Variants in NR3C2 observed in about 807,000 individuals in gnomAD.
NR3C2 encodes mineralocorticoid receptor.
In NR3C2, 15 loss-of-function variants were observed where a neutral mutation model predicts 86.4. The ratio of observed to expected loss-of-function variants is 0.17; its 90% CI spans 0.12 to 0.27. NR3C2 has a LOEUF of 0.27. NR3C2 is among the 10% of genes least tolerant of loss of function. NR3C2 has a pLI of 1.00. For missense variants in NR3C2, 960 were observed against 1,195.6 expected, an observed-to-expected ratio of 0.80 and a Z score of 2.91; for synonymous variants, 458 against 450.5, an observed-to-expected ratio of 1.02 and a Z score of -0.21.
chr4:148,390,375 T>C (rs1561079967), intron 2 of NR3C2, among the ~76,000 whole-genome samples: 1 of 152,126 alleles, frequency 6.6e-6, no homozygotes, highest in Admixed American at 6.5e-5. Flanking sequence ...GTTATAATAT[T>C]CTCAGGTGAA....
chr4:148,376,459 G>A (rs72656868), intron 2 of NR3C2, among the ~76,000 whole-genome samples: 1 of 152,168 alleles, frequency 6.6e-6, no homozygotes, highest in Non-Finnish European at 1.5e-5. Context: ...AGCCCCACAT[G>A]CAATAGACCC....
chr4:148,445,009 C>T (rs1348081751), upstream of NR3C2: 23 of 984,710 alleles, frequency 2.3e-5, no homozygotes, highest in East Asian at 2.3e-3. Flanking sequence ...GCCCCCCTCC[C>T]CGGGTCACGC....
chr4:148,197,168 G>C (rs1736479971), intron 3 of NR3C2, among the ~76,000 whole-genome samples: 1 of 152,186 alleles, frequency 6.6e-6, no homozygotes, highest in African/African-American at 2.4e-5. Flanking sequence ...ATAATTTACT[G>C]TTGGTCTAAT....
At chr4:148,224,138 G>GAA (rs78554332) in intron 3 of NR3C2, among the ~76,000 whole-genome samples, 1 of 143,904 alleles carries the variant, frequency 6.9e-6, no homozygotes, top group Non-Finnish European at 1.5e-5. Flanking sequence ...CAAAGAAAAA[G>GAA]AAAAAAAAAA....
At chr4:148,274,904 G>T (rs1330382985) in intron 2 of NR3C2, among the ~76,000 whole-genome samples, 2 of 151,950 alleles carry the variant, frequency 1.3e-5, no homozygotes, top group African/African-American at 4.8e-5. Context: ...TACCATGTTA[G>T]CTAGGCTGGT....
At position 148,186,612 on chromosome 4, in the gene NR3C2, T is replaced by C. The variant is rs559329105; in HGVS notation, c.2014+8134A>G. On this transcript the variant is annotated intron_variant, in intron 4 of 8. Transcript: ENST00000358102. ...TAAAATGGCACAGTATTGTACATAA[T>C]CTATTTTTTTCCTCATAAGTTATTG... Among the ~76,000 whole-genome samples, 3 of 152,240 alleles carry C rather than the reference T, an allele frequency of 2.0e-5. No homozygotes were observed. In the South Asian group the frequency reaches 6.2e-4, roughly 32 times the overall value.
At chr4:148,379,672 T>C (rs1183637495) in intron 2 of NR3C2, among the ~76,000 whole-genome samples, 1 of 152,180 alleles carries the variant, frequency 6.6e-6, no homozygotes, top group African/African-American at 2.4e-5. Flanking sequence ...TATTAGCTAA[T>C]AAATAAGCAC....
intron 2 of NR3C2, among the ~76,000 whole-genome samples, chr4:148,318,503 G>A (rs1215892181): frequency 6.7e-6 from 1 of 150,262 alleles, no homozygotes; most frequent in Non-Finnish European, 1.5e-5. Context: ...CAGTGTAAAA[G>A]TGTTCCTATT....
chr4:148,319,451 T>G (rs1430779903), intron 2 of NR3C2, among the ~76,000 whole-genome samples: 1 of 151,894 alleles, frequency 6.6e-6, no homozygotes, highest in Non-Finnish European at 1.5e-5. Context: ...GCATTGAATC[T>G]ATAAATTACC....
chr4:148,262,464 C>T (rs1214144102), intron 2 of NR3C2, among the ~76,000 whole-genome samples: 5 of 152,096 alleles, frequency 3.3e-5, no homozygotes, highest in Admixed American at 3.3e-4. Context: ...GTGTCTAACA[C>T]GCACCTCAAC....
chr4:148,142,990 C>T lies in NR3C2; in HGVS notation c.2510+9479G>A, dbSNP rs867824166. ...CATGATGGGAAGCTTCCTGAGGCCT[C>T]CCCAGATGCAGATGCCGGTGCTATG... On this transcript the variant is annotated intron_variant, in intron 6 of 8. Transcript: ENST00000358102. Among the ~76,000 whole-genome samples, 42 of 152,290 alleles carry T rather than the reference C, an allele frequency of 2.8e-4. No homozygotes were observed. The Middle Eastern group carries it at 0.024, about 86-fold the overall frequency.
intron 2 of NR3C2, among the ~76,000 whole-genome samples, chr4:148,409,949 A>T (rs903673165): frequency 6.6e-6 from 1 of 152,164 alleles, no homozygotes; most frequent in Non-Finnish European, 1.5e-5. Flanking sequence ...CAAGAGAAGG[A>T]TGAATCTAAA....
intron 3 of NR3C2, among the ~76,000 whole-genome samples, chr4:148,230,476 C>T (rs1319800862): frequency 1.3e-5 from 2 of 152,274 alleles, no homozygotes; most frequent in African/African-American, 2.4e-5. Context: ...GGATTACAGG[C>T]GTGAGCCACC....
intron 2 of NR3C2, among the ~76,000 whole-genome samples, chr4:148,431,519 A>C (rs1214586337): frequency 6.6e-6 from 1 of 152,156 alleles, no homozygotes; most frequent in Non-Finnish European, 1.5e-5. Context: ...AATCCACCTG[A>C]CACAACTAGG....
intron 2 of NR3C2, among the ~76,000 whole-genome samples, chr4:148,280,332 A>G (rs988691795): frequency 6.6e-6 from 1 of 152,218 alleles, no homozygotes; most frequent in African/African-American, 2.4e-5. Context: ...TCAATTTATA[A>G]ATACAGTTAC....
chr4:148,085,261 C>T (rs1437504945), intron 8 of NR3C2, among the ~76,000 whole-genome samples: 1 of 152,168 alleles, frequency 6.6e-6, no homozygotes, highest in African/African-American at 2.4e-5. Flanking sequence ...TAAAACACTC[C>T]TTAGCAAATG....
At chr4:148,167,520 A>G (rs963705551) in intron 4 of NR3C2, among the ~76,000 whole-genome samples, 8 of 152,202 alleles carry the variant, frequency 5.3e-5, no homozygotes, top group African/African-American at 1.9e-4. Context: ...ATATGATCAT[A>G]GAGGATAAAG....
chr4:148,354,722 G>A (rs188737305), intron 2 of NR3C2, among the ~76,000 whole-genome samples: 3 of 151,748 alleles, frequency 2.0e-5, no homozygotes, highest in Non-Finnish European at 2.9e-5. Flanking sequence ...AATGACATTC[G>A]TATATAAAGT....
intron 2 of NR3C2, among the ~76,000 whole-genome samples, chr4:148,337,507 C>T (rs1006378868): frequency 3.3e-5 from 5 of 152,110 alleles, no homozygotes; most frequent in Non-Finnish European, 5.9e-5. Context: ...AAAGTTGAAA[C>T]ATAAAGAAGA....
Sources: gnomAD v4.1 joint callset for allele counts (sites outside exome capture counted in the v4.1 genomes callset) on GRCh38, gnomAD v4.1.1 for gene constraint, MANE v1.5 for transcripts, NCBI Gene and HGNC (gene_info 2026-07-23, HGNC 2026-07-21) for gene names.